Variants in PRKAR2B observed in about 807,000 individuals in gnomAD.
PRKAR2B encodes the protein protein kinase cAMP-dependent type II regulatory subunit beta, also known as cAMP-dependent protein kinase type II-beta regulatory subunit.
In PRKAR2B, 14 loss-of-function variants were observed where a neutral mutation model predicts 49.9. The observed-to-expected ratio is 0.28, with a 90% CI of 0.19 to 0.44. The LOEUF is 0.44. Among genes scored for constraint, PRKAR2B ranks in the 20% least tolerant of loss-of-function variants. The pLI, the probability that PRKAR2B is intolerant of heterozygous loss-of-function variation, is 1.00. For synonymous variants in PRKAR2B, 196 were observed against 197.7 expected (o/e 0.99, Z 0.07); for missense variants, 393 against 537.9 (o/e 0.73, Z 2.67).
At chr7:107,101,135 A>ATTTTTTTTTTTTTTTTTTTTTTTTT (rs950761298) in intron 2 of PRKAR2B, among the ~76,000 whole-genome samples, 1 of 94,690 alleles carries the variant, frequency 1.1e-5, no homozygotes, top group Non-Finnish European at 2.0e-5. Flanking sequence ...GTTGTTGCTT[A>ATTTTTTTTTTTTTTTTTTTTTTTTT]TTTTTTTTTT....
intron 2 of PRKAR2B, among the ~76,000 whole-genome samples, chr7:107,099,095 G>T (rs1794905069): frequency 2.0e-5 from 3 of 152,212 alleles, no homozygotes; most frequent in Admixed American, 2.0e-4. Flanking sequence ...CTTTTGTTCA[G>T]CTATGCCCTG....
intron 6 of PRKAR2B, among the ~76,000 whole-genome samples, chr7:107,150,012 T>TA (rs937611020): frequency 1.3e-5 from 2 of 151,082 alleles, no homozygotes; most frequent in Non-Finnish European, 3.0e-5. Context: ...AAAATAAAAG[T>TA]AAAAAAAAAT....
chr7:107,051,933 A>G (rs554264233), intron 1 of PRKAR2B, among the ~76,000 whole-genome samples: 6 of 152,174 alleles, frequency 3.9e-5, no homozygotes, highest in Admixed American at 2.0e-4. Context: ...GTTCCAAGAC[A>G]AAATAGTCCA....
intron 4 of PRKAR2B, among the ~76,000 whole-genome samples, chr7:107,129,903 G>A (rs2115609129): frequency 6.6e-6 from 1 of 152,244 alleles, no homozygotes; most frequent in Admixed American, 6.5e-5. Context: ...CTCGACTTTG[G>A]TGGGTTTTGG....
At chr7:107,109,170 G>A (rs946408713) in intron 2 of PRKAR2B, among the ~76,000 whole-genome samples, 2 of 152,206 alleles carry the variant, frequency 1.3e-5, no homozygotes, top group Non-Finnish European at 2.9e-5. Context: ...TGTGGTGCTG[G>A]TGGGAATGTC....
chr7:107,118,391 A>T (rs929174183), intron 2 of PRKAR2B, among the ~76,000 whole-genome samples: 2 of 152,166 alleles, frequency 1.3e-5, no homozygotes, highest in African/African-American at 4.8e-5. Flanking sequence ...TGAGATATTT[A>T]AAAAAGACAT....
chr7:107,142,359 A>G (rs1466684126), intron 5 of PRKAR2B, among the ~76,000 whole-genome samples: 1 of 152,190 alleles, frequency 6.6e-6, no homozygotes, highest in Non-Finnish European at 1.5e-5. Context: ...TAAACCAGTT[A>G]TCTATATGTG....
chr7:107,070,337 G>A, intron 2 of PRKAR2B, 21 bp downstream of exon 2: 2 of 1,581,682 alleles, frequency 1.3e-6, no homozygotes, highest in Non-Finnish European at 1.7e-6. Context: ...TTATATTATG[G>A]ATTTTGTTTA....
At chr7:107,145,238 A>T (rs1180427747) in intron 5 of PRKAR2B, among the ~76,000 whole-genome samples, 1 of 152,206 alleles carries the variant, frequency 6.6e-6, no homozygotes, top group Admixed American at 6.5e-5. Flanking sequence ...GCATAAAACC[A>T]GCCATAGATA....
intron 2 of PRKAR2B, among the ~76,000 whole-genome samples, chr7:107,101,698 G>A (rs1794968672): frequency 6.6e-6 from 1 of 151,982 alleles, no homozygotes; most frequent in South Asian, 2.1e-4. Flanking sequence ...AATCAAGTTA[G>A]CCTCTTCCTG....
At chr7:107,090,752 T>G (rs1402935542) in intron 2 of PRKAR2B, among the ~76,000 whole-genome samples, 1 of 152,222 alleles carries the variant, frequency 6.6e-6, no homozygotes, top group Non-Finnish European at 1.5e-5. Flanking sequence ...CCACCTGCTG[T>G]GCAACTGCAG....
At chr7:107,057,837 G>A (rs1191963549) in intron 1 of PRKAR2B, among the ~76,000 whole-genome samples, 1 of 152,048 alleles carries the variant, frequency 6.6e-6, no homozygotes, top group Non-Finnish European at 1.5e-5. Flanking sequence ...GAACACGACA[G>A]TTTAAAAAAA....
chr7:107,161,614 A>G lies in PRKAR2B; in HGVS notation c.*2032A>G, dbSNP rs1360089588. 2 of 152,618 alleles carry G rather than the reference A, an allele frequency of 1.3e-5. No individual in the cohort carries two copies. Among genetic ancestry groups the G allele is most frequent in the East Asian group, 3.8e-4 (2 of 5,204 alleles). 9.5% of individuals were successfully genotyped at this position (152,618 alleles called of 1,614,324 possible). A position where few individuals can be genotyped will look rare whatever the true frequency, so the allele number is the denominator to read the frequency against. ...GATAGCAATGTGGCATGTGGAAGCGAACCCCCAGGGCATAACATAGTAAGA... is the reference window on the plus strand; with the variant it reads ...GATAGCAATGTGGCATGTGGAAGCGGACCCCCAGGGCATAACATAGTAAGA... On this transcript the variant is annotated 3_prime_UTR_variant, in exon 11 of 11. Coordinates refer to ENST00000265717, the MANE Select transcript of PRKAR2B (RefSeq NM_002736.3).
chr7:107,113,577 T>C (rs567628383), intron 2 of PRKAR2B, among the ~76,000 whole-genome samples: 95 of 152,308 alleles, frequency 6.2e-4, no homozygotes, highest in Non-Finnish European at 1.2e-3. Context: ...ATTGAGGAAT[T>C]CTGATGATTA....
chr7:107,114,805 G>T (rs1163336920), intron 2 of PRKAR2B, among the ~76,000 whole-genome samples: 2 of 152,056 alleles, frequency 1.3e-5, no homozygotes, highest in African/African-American at 2.4e-5. Context: ...ATGTTTACTT[G>T]TGGGGTGTGA....
intron 1 of PRKAR2B, chr7:107,068,666 A>G (rs1454382758): frequency 6.6e-6 from 1 of 152,130 alleles, no homozygotes; most frequent in East Asian, 1.9e-4. Flanking sequence ...AAATGATAAT[A>G]TCTTGATAAT....
At chr7:107,143,460 ATTGTTTG>A (rs912228312) in intron 5 of PRKAR2B, among the ~76,000 whole-genome samples, 1 of 152,230 alleles carries the variant, frequency 6.6e-6, no homozygotes, top group African/African-American at 2.4e-5. Flanking sequence ...CAAGCCTGCC[ATTGTTTG>A]TGGTTGCTCT....
intron 2 of PRKAR2B, among the ~76,000 whole-genome samples, chr7:107,079,185 C>T (rs1437592977): frequency 6.6e-6 from 1 of 152,214 alleles, no homozygotes; most frequent in Non-Finnish European, 1.5e-5. Context: ...TTCACCAGCT[C>T]TGTGTGAAGG....
intron 2 of PRKAR2B, among the ~76,000 whole-genome samples, chr7:107,101,897 T>C (rs940729017): frequency 8.2e-6 from 1 of 121,568 alleles, no homozygotes; most frequent in African/African-American, 2.7e-5. Context: ...TTTTTTTTTT[T>C]TCCAGTTTTG....
Sources: allele counts gnomAD v4.1 joint callset (sites outside exome capture counted in the v4.1 genomes callset), GRCh38; gene constraint gnomAD v4.1.1; transcripts MANE v1.5; gene names NCBI Gene and HGNC (gene_info 2026-07-23, HGNC 2026-07-21).